The following GARNL3 variants were observed in gnomAD, a reference collection of about 807,000 sequenced individuals.
The protein encoded by GARNL3 is GTPase activating Rap/RanGAP domain like 3, also known as GTPase-activating Rap/Ran-GAP domain-like protein 3.
A neutral mutation model predicts 125.0 loss-of-function variants in GARNL3; 63 were observed. The ratio of observed to expected loss-of-function variants is 0.50; its 90% CI spans 0.41 to 0.62. The LOEUF (loss-of-function observed/expected upper bound fraction) is 0.62, where lower values mean the gene tolerates loss of function less well. GARNL3 is among the 20% of genes least tolerant of loss of function. GARNL3 has a pLI of 0.00. For missense variants in GARNL3, 994 were observed against 1,244.0 expected (o/e 0.80, Z 3.02); for synonymous variants, 439 against 457.5 (o/e 0.96, Z 0.52).
intron 22 of GARNL3, among the ~76,000 whole-genome samples, chr9:127,378,773 G>T (rs1424987166): frequency 6.6e-6 from 1 of 151,906 alleles, no homozygotes; most frequent in African/African-American, 2.4e-5. Context: ...TTTTTTGTTT[G>T]TTTGTTTGTT....
At chr9:127,347,171 G>A (rs555117617) in intron 16 of GARNL3, among the ~76,000 whole-genome samples, 1 of 152,250 alleles carries the variant, frequency 6.6e-6, no homozygotes, top group South Asian at 2.1e-4. Context: ...TATAATCCCA[G>A]CACTTTGGGA....
chr9:127,269,300 T>C (rs1370272422), intron 1 of GARNL3, among the ~76,000 whole-genome samples: 1 of 152,242 alleles, frequency 6.6e-6, no homozygotes. Context: ...GCACCCAGCG[T>C]GTTTATTGAT....
intron 21 of GARNL3, chr9:127,362,304 C>CCTGA (rs950029619): frequency 2.4e-4 from 36 of 151,776 alleles, no homozygotes; most frequent in African/African-American, 8.7e-4. Context: ...GTCCTGAACT[C>CCTGA]CTGACTTCAG....
At chr9:127,323,456 G>A (rs62578842) in intron 6 of GARNL3, among the ~76,000 whole-genome samples, 20,231 of 152,114 alleles carry the variant, frequency 0.13, 1,741 homozygotes, top group East Asian at 0.21. Context: ...GAGCTCAGCC[G>A]GGACTCCTGT....
intron 14 of GARNL3, among the ~76,000 whole-genome samples, chr9:127,343,516 T>G (rs1397718253): frequency 2.0e-5 from 3 of 152,214 alleles, no homozygotes; most frequent in African/African-American, 7.2e-5. Flanking sequence ...TGATCACATG[T>G]GCTAAACATG....
chr9:127,306,801 T>G (rs1338051802), intron 2 of GARNL3, among the ~76,000 whole-genome samples: 1 of 151,712 alleles, frequency 6.6e-6, no homozygotes, highest in African/African-American at 2.4e-5. Context: ...GTAGTAGAAT[T>G]GTTTGAACCT....
At chr9:127,290,608 C>T (rs1353866743) in intron 1 of GARNL3, among the ~76,000 whole-genome samples, 2 of 152,312 alleles carry the variant, frequency 1.3e-5, no homozygotes, top group East Asian at 1.9e-4. Context: ...TCACCTCTTT[C>T]GAACATTGGG....
intron 2 of GARNL3, among the ~76,000 whole-genome samples, chr9:127,245,854 C>G (rs1407772744): frequency 2.0e-5 from 3 of 152,140 alleles, no homozygotes; most frequent in Non-Finnish European, 4.4e-5. Flanking sequence ...GATTGGACTT[C>G]GGTCTGTCTG....
chr9:127,224,954 C>G (rs1454080222), intron 1 of GARNL3, among the ~76,000 whole-genome samples: 1 of 109,332 alleles, frequency 9.1e-6, no homozygotes, highest in Non-Finnish European at 1.7e-5. Context: ...GGGGCCTGCT[C>G]CGGGCTGAGG....
intron 16 of GARNL3, among the ~76,000 whole-genome samples, chr9:127,346,654 G>A (rs1486937647): frequency 3.3e-5 from 5 of 152,264 alleles, no homozygotes; most frequent in South Asian, 4.1e-4. Context: ...CAGAGCGAGC[G>A]TCCATTGTTG....
rs372778647 is a variant in GARNL3, at chr9:127,355,403, C to A, written c.1866C>A (p.Ser622Arg). ...LLITRKHNKP[S>R]GVTSTSLLSP... ...TCACAAGAAAACACAACAAGCCAAG[C>A]GGGGTCACCAGCACCTCATTGTTAT... Residue 622 changes from serine to arginine, a missense_variant, in exon 20 of 28, where the codon AGC becomes AGA. Around this residue, in one of 5 missense-constraint regions of GARNL3, gnomAD observed 728 missense variants for 865.7 expected, o/e 0.84. Transcript: ENST00000373387. The A allele has an allele frequency of 6.2e-7, 1 of 1,614,194 alleles. No individual in the cohort carries two copies. The highest frequency in any genetic ancestry group is 2.2e-5 in the East Asian group (1 of 44,882).
intron 1 of GARNL3, among the ~76,000 whole-genome samples, chr9:127,227,931 A>G (rs906240869): frequency 6.6e-6 from 1 of 152,230 alleles, no homozygotes; most frequent in Non-Finnish European, 1.5e-5. Context: ...ATAAAATAAA[A>G]CAAAACTAAT....
chr9:127,341,190 T>C (rs1230269842), intron 13 of GARNL3, among the ~76,000 whole-genome samples: 5 of 152,234 alleles, frequency 3.3e-5, no homozygotes, highest in Non-Finnish European at 1.5e-5. Flanking sequence ...CAGCAGACAC[T>C]GCAAACCATG....
rs1030501181 is a variant in GARNL3 at position 127,243,308 on chromosome 9, T to C, written c.143+59T>C. ...GGTTTATGTTCACTATAGCTTGAAA[T>C]CCCTTAATGTTTAGGAAGAATATAC... On this transcript the variant is annotated intron_variant, in intron 2 of 10. Transcript: ENST00000439286. 8 of 1,291,022 alleles carry C rather than the reference T, an allele frequency of 6.2e-6. No individual in the cohort carries two copies. The African/African-American group carries it at 9.1e-5, about 15-fold the overall frequency. 80.0% of individuals were successfully genotyped at this position (1,291,022 alleles called of 1,614,324 possible). A position where few individuals can be genotyped will look rare whatever the true frequency, so the allele number is the denominator to read the frequency against.
intron 1 of GARNL3, among the ~76,000 whole-genome samples, chr9:127,282,200 T>G (rs2064124217): frequency 6.6e-6 from 1 of 152,130 alleles, no homozygotes; most frequent in South Asian, 2.1e-4. Flanking sequence ...GTACAGGCCC[T>G]GAAAAAAATG....
intron 1 of GARNL3, among the ~76,000 whole-genome samples, chr9:127,267,939 G>A (rs554197708): frequency 1.3e-4 from 20 of 152,254 alleles, no homozygotes; most frequent in African/African-American, 4.3e-4. Context: ...AATGAAGCTC[G>A]GCCATTCATA....
chr9:127,358,001 C>T (rs1830780028), intron 21 of GARNL3, among the ~76,000 whole-genome samples: 1 of 152,066 alleles, frequency 6.6e-6, no homozygotes, highest in African/African-American at 2.4e-5. Flanking sequence ...GGGTGGAAAC[C>T]CATTAGGAGG....
At chr9:127,390,236 T>C (rs1312261392) in intron 26 of GARNL3, among the ~76,000 whole-genome samples, 3 of 152,214 alleles carry the variant, frequency 2.0e-5, no homozygotes, top group African/African-American at 7.2e-5. Context: ...TTCAAGTTGG[T>C]GCCTTCTACT....
At chr9:127,230,675 C>T (rs1462062188) in intron 1 of GARNL3, among the ~76,000 whole-genome samples, 1 of 150,398 alleles carries the variant, frequency 6.6e-6, no homozygotes, top group Non-Finnish European at 1.5e-5. Context: ...AAAAAAAAGA[C>T]GTTTACATAA....
Sources: gnomAD v4.1 joint callset for allele counts (sites outside exome capture counted in the v4.1 genomes callset) on GRCh38, gnomAD v4.1.1 for gene constraint, gnomAD v4.1.1 regional missense constraint, MANE v1.5 for transcripts, NCBI Gene and HGNC (gene_info 2026-07-23, HGNC 2026-07-21) for gene names.